The following SLCO6A1 variants were observed in gnomAD, a reference collection of about 807,000 sequenced individuals.
SLCO6A1 encodes cancer/testis antigen 48.
In SLCO6A1, 65 loss-of-function variants were observed where a neutral mutation model predicts 72.7. The observed-to-expected ratio is 0.89, with a 90% confidence interval of 0.73 to 1.10. The LOEUF (loss-of-function observed/expected upper bound fraction) is 1.10. Among genes scored for constraint, SLCO6A1 ranks in the 50% least tolerant of loss-of-function variants. The probability of loss-of-function intolerance (pLI) is 0.00; values close to 1 mark genes in which losing one functional copy is unlikely to be tolerated. For synonymous variants in SLCO6A1, 314 were observed against 298.2 expected (o/e 1.05, Z -0.55); for missense variants, 874 against 872.6 (o/e 1.00, Z -0.02).
chr5:102,474,973 A>G (rs775833069), intron 4 of SLCO6A1, among the ~76,000 whole-genome samples: 3 of 152,052 alleles, frequency 2.0e-5, no homozygotes, highest in Non-Finnish European at 2.9e-5. Context: ...AACCCTGTGC[A>G]CTGCAGGAAT....
At chr5:102,411,266 T>C (rs1012344433) in intron 9 of SLCO6A1, among the ~76,000 whole-genome samples, 1 of 151,792 alleles carries the variant, frequency 6.6e-6, no homozygotes, top group African/African-American at 2.4e-5. Context: ...TGTGTGTGTG[T>C]TTTGTTGTGT....
intron 10 of SLCO6A1, among the ~76,000 whole-genome samples, chr5:102,398,049 G>A (rs1747193770): frequency 6.6e-6 from 1 of 151,896 alleles, no homozygotes; most frequent in African/African-American, 2.4e-5. Flanking sequence ...TTCAGTCTGA[G>A]GTTTCTTTTC....
At position 102,383,100 on chromosome 5, in the gene SLCO6A1, A is replaced by G. The variant is rs1395160567; in HGVS notation, c.2017+5588T>C. On this transcript the variant is annotated intron_variant, in intron 12 of 13. Transcript: ENST00000506729. ...AGTGTATGTATATGTGTGTGAATAT[A>G]TATATATATAGTGTTTTATATACAT... Among the ~76,000 whole-genome samples the G allele has an allele frequency of 7.9e-4, 67 of 84,430 alleles. 1 individual carries two copies. In the East Asian group the frequency reaches 0.015, roughly 18 times the overall value. The allele number at this position is 84,430 out of a possible 152,430, so 55.4% of individuals were successfully genotyped here.
intron 12 of SLCO6A1, among the ~76,000 whole-genome samples, chr5:102,386,970 AC>A (rs1162156008): frequency 6.6e-6 from 1 of 151,832 alleles, no homozygotes; most frequent in Non-Finnish European, 1.5e-5. Context: ...TATACTTCCT[AC>A]CCTCTTCAAT....
chr5:102,473,493 A>G (rs541447566), intron 4 of SLCO6A1, among the ~76,000 whole-genome samples: 2 of 152,180 alleles, frequency 1.3e-5, no homozygotes, highest in Non-Finnish European at 2.9e-5. Flanking sequence ...AAGGCCTTGT[A>G]TTAAAAGCCT....
At chr5:102,388,350 G>GT (rs1222703577) in intron 12 of SLCO6A1, among the ~76,000 whole-genome samples, 1 of 150,970 alleles carries the variant, frequency 6.6e-6, no homozygotes, top group African/African-American at 2.4e-5. Flanking sequence ...TTTATTTTTT[G>GT]TTTTTTCTTT....
intron 6 of SLCO6A1, among the ~76,000 whole-genome samples, chr5:102,448,473 G>T (rs1750236637): frequency 1.3e-5 from 2 of 152,132 alleles, no homozygotes; most frequent in South Asian, 4.1e-4. Flanking sequence ...GTGGGGTGTT[G>T]AAGTCTCCCA....
chr5:102,497,314 T>C (rs1315587662), intron 1 of SLCO6A1, among the ~76,000 whole-genome samples: 1 of 152,258 alleles, frequency 6.6e-6, no homozygotes, highest in Non-Finnish European at 1.5e-5. Context: ...AGAGAGTGGC[T>C]GAGCCAGAAT....
At chr5:102,398,896 T>A (rs570511520) in intron 10 of SLCO6A1, among the ~76,000 whole-genome samples, 4 of 152,176 alleles carry the variant, frequency 2.6e-5, no homozygotes, top group African/African-American at 7.2e-5. Context: ...TACTTCCAAA[T>A]CAACTCAGAT....
chr5:102,444,425 G>A (rs980027449), intron 6 of SLCO6A1, among the ~76,000 whole-genome samples: 1 of 152,102 alleles, frequency 6.6e-6, no homozygotes, highest in Non-Finnish European at 1.5e-5. Context: ...GAAAACATAA[G>A]TTAAAGAGGA....
At chr5:102,372,665 TA>T (rs1750686599) in intron 13 of SLCO6A1, among the ~76,000 whole-genome samples, 1 of 147,842 alleles carries the variant, frequency 6.8e-6, no homozygotes. Flanking sequence ...TCTTTATCAA[TA>T]AAATCCAAGT....
At chr5:102,440,337 C>T (rs114395056) in intron 6 of SLCO6A1, among the ~76,000 whole-genome samples, 23 of 152,154 alleles carry the variant, frequency 1.5e-4, no homozygotes, top group Non-Finnish European at 2.9e-4. Flanking sequence ...TCAGCAGCGG[C>T]ATTAAATTAT....
intron 7 of SLCO6A1, among the ~76,000 whole-genome samples, chr5:102,421,644 C>G (rs772221895): frequency 1.3e-4 from 20 of 152,144 alleles, no homozygotes; most frequent in Non-Finnish European, 2.2e-4. Flanking sequence ...GATGAAACTC[C>G]CATCTCCCTG....
In SLCO6A1 at chr5:102,422,596, A is replaced by T. The variant is rs542086364; in HGVS notation, c.1277-2575T>A. ...GAGAAAAAAGAATGAAAAGGAATGA[A>T]CAAAGCCTAAAAGATATATGGGACT... is the stretch of plus-strand genomic sequence containing the variant. On this transcript the variant is annotated intron_variant, in intron 7 of 13. Transcript: ENST00000506729. 4.6e-5 allele frequency among the ~76,000 whole-genome samples: 7 copies of T among 152,288 alleles called. No individual in the cohort carries two copies. The South Asian group carries it at 1.5e-3, about 32-fold the overall frequency.
chr5:102,470,036 A>G (rs1476305829), intron 4 of SLCO6A1, among the ~76,000 whole-genome samples: 1 of 152,028 alleles, frequency 6.6e-6, no homozygotes, highest in Non-Finnish European at 1.5e-5. Context: ...GAACTTTTTG[A>G]TGTGCTGCTG....
intron 7 of SLCO6A1, among the ~76,000 whole-genome samples, chr5:102,424,145 A>T (rs765988184): frequency 6.6e-6 from 1 of 152,204 alleles, no homozygotes. Context: ...AATTTATAGC[A>T]CTAAATGCCC....
intron 7 of SLCO6A1, among the ~76,000 whole-genome samples, chr5:102,431,329 T>G (rs890553151): frequency 1.3e-5 from 2 of 152,300 alleles, no homozygotes; most frequent in East Asian, 3.9e-4. Flanking sequence ...GCTTCTCTAG[T>G]TCTTTTTGTT....
At chr5:102,385,210 T>C (rs528799851) in intron 12 of SLCO6A1, among the ~76,000 whole-genome samples, 15 of 152,274 alleles carry the variant, frequency 9.9e-5, no homozygotes, top group African/African-American at 3.6e-4. Context: ...TGAATTGCTT[T>C]TCTCTTACTG....
Position 102,421,271 on chromosome 5 carries a change from A to T in SLCO6A1, c.1277-1250T>A, listed in dbSNP as rs369291545. On this transcript the variant is annotated intron_variant, in intron 7 of 13. Coordinates refer to ENST00000506729, the MANE Select transcript of SLCO6A1 (RefSeq NM_173488.5). Reference sequence around the variant, plus strand: ...GGCACCTGGAACCCCAGTGAGACAGAACTGTTCACTCCCCTGGAAACGGAG... The same window carrying T: ...GGCACCTGGAACCCCAGTGAGACAGTACTGTTCACTCCCCTGGAAACGGAG... Among the ~76,000 whole-genome samples the T allele has an allele frequency of 1.6e-4, 24 of 152,100 alleles. 1 individual carries two copies. In the East Asian group the frequency reaches 4.3e-3, roughly 27 times the overall value.
Sources: allele counts gnomAD v4.1 joint callset (sites outside exome capture counted in the v4.1 genomes callset), GRCh38; gene constraint gnomAD v4.1.1; transcripts MANE v1.5; gene names NCBI Gene and HGNC (gene_info 2026-07-23, HGNC 2026-07-21).